MYO5B: variants seen among roughly 807,000 people sequenced by gnomAD.
MYO5B encodes the protein myosin VB.
Under a neutral mutation model 229.3 loss-of-function variants are expected in MYO5B, and 143 were observed. The observed-to-expected ratio is 0.62, with a 90% CI of 0.54 to 0.72. The LOEUF is 0.72. Ranked by LOEUF, MYO5B falls within the 30% of genes least tolerant of loss-of-function variation. The pLI, the probability that MYO5B is intolerant of heterozygous loss-of-function variation, is 0.00. For synonymous variants in MYO5B, 918 were observed against 885.2 expected, an observed-to-expected ratio of 1.04 and a Z score of -0.66; for missense variants, 2,321 against 2,331.0, an observed-to-expected ratio of 1.00 and a Z score of 0.09.
intron 1 of MYO5B, among the ~76,000 whole-genome samples, chr18:50,057,576 C>G (rs1459524540): frequency 2.0e-5 from 3 of 152,144 alleles, no homozygotes; most frequent in Non-Finnish European, 4.4e-5. Context: ...GCATCCAGCA[C>G]TGAAGAATCT....
intron 23 of MYO5B, 93 bp downstream of exon 23, chr18:49,880,278 G>C (rs887132512): frequency 1.0e-5 from 11 of 1,064,690 alleles, no homozygotes; most frequent in African/African-American, 3.1e-5. Flanking sequence ...GTAGCCTCTA[G>C]TCTAACTGCA....
chr18:49,894,999 T>G lies in MYO5B; in HGVS notation c.2987A>C (p.His996Pro). Residue 996 changes from histidine (H) to proline (P), a missense_variant, in exon 22 of 40, where the codon CAC becomes CCC. By Grantham distance (77) the His-to-Pro change is moderately conservative. Around this residue, in one of 2 missense-constraint regions of MYO5B, gnomAD observed 2,113 missense variants for 2,044.7 expected, o/e 1.03. Transcript: ENST00000285039. ...ESLRTELQRA[H>P]SERKILEDAH... ...GTCCTCCAAGATCTTGCGCTCCGAG[T>G]GGGCCCTCTGCAGCTCTGTGCGCAG... The G allele has an allele frequency of 6.2e-7, 1 of 1,613,846 alleles. No individual in the cohort carries two copies. Among genetic ancestry groups the G allele is most frequent in the Non-Finnish European group, 8.5e-7 (1 of 1,180,022 alleles).
At chr18:50,120,205 T>C (rs1340846152) in intron 1 of MYO5B, among the ~76,000 whole-genome samples, 2 of 152,324 alleles carry the variant, frequency 1.3e-5, no homozygotes, top group East Asian at 1.9e-4. Flanking sequence ...AGAAGTATAA[T>C]TGGTCAGCTT....
intron 1 of MYO5B, among the ~76,000 whole-genome samples, chr18:50,178,065 A>G (rs889236649): frequency 2.6e-5 from 4 of 152,212 alleles, no homozygotes; most frequent in Admixed American, 2.0e-4. Flanking sequence ...GCACCATGCT[A>G]AGCATCAAAA....
chr18:49,869,454 T>C (rs1281013117), intron 27 of MYO5B, among the ~76,000 whole-genome samples: 1 of 152,088 alleles, frequency 6.6e-6, no homozygotes, highest in Non-Finnish European at 1.5e-5. Flanking sequence ...TCAGAGACAA[T>C]GCTGGGAAAA....
chr18:49,894,167 G>C (rs937220829), intron 22 of MYO5B, among the ~76,000 whole-genome samples: 5 of 152,048 alleles, frequency 3.3e-5, no homozygotes, highest in African/African-American at 1.2e-4. Flanking sequence ...CCAACACCCT[G>C]AACACTGGAT....
intron 17 of MYO5B, among the ~76,000 whole-genome samples, chr18:49,926,664 T>C (rs1203087054): frequency 1.3e-5 from 2 of 152,246 alleles, no homozygotes; most frequent in East Asian, 3.8e-4. Context: ...AGCTCTGGAC[T>C]GGTTCAGTGG....
chr18:50,142,796 C>A (rs2032437568), intron 1 of MYO5B, among the ~76,000 whole-genome samples: 1 of 152,194 alleles, frequency 6.6e-6, no homozygotes, highest in Admixed American at 6.5e-5. Context: ...ACAATGACAA[C>A]AGCATTCAGG....
intron 22 of MYO5B, 99 bp downstream of exon 22, chr18:49,894,842 G>A: frequency 9.6e-7 from 1 of 1,043,090 alleles, no homozygotes; most frequent in East Asian, 2.4e-5. Flanking sequence ...CCAAGACCAT[G>A]GCAATTTTAC....
At position 49,839,181 on chromosome 18, in the gene MYO5B, G is replaced by A. The variant is rs1274406305; in HGVS notation, c.4815C>T (p.Leu1605=). Residue 1605 remains leucine, a synonymous_variant, in exon 36 of 40, where the codon CTC becomes CTT. Transcript: ENST00000285039. ...GTAACACGCCCTCGGCAATTTTAATGAGCTGCTGGTAGATCTGAATGGAAA... is the reference window on the plus strand; with the variant it reads ...GTAACACGCCCTCGGCAATTTTAATAAGCTGCTGGTAGATCTGAATGGAAA... ...SDLSIQIYQQ[L]IKIAEGVLQP... is the part of the protein sequence containing the mutation. The A allele has an allele frequency of 1.2e-6, 2 of 1,614,016 alleles. No homozygotes were observed. The highest frequency in any genetic ancestry group is 1.7e-6 in the Non-Finnish European group (2 of 1,180,038).
At chr18:50,029,341 G>A (rs2144370615) in intron 4 of MYO5B, among the ~76,000 whole-genome samples, 1 of 152,292 alleles carries the variant, frequency 6.6e-6, no homozygotes, top group African/African-American at 2.4e-5. Context: ...TCTGAATGTG[G>A]AATGCTCAGG....
chr18:49,972,019 C>T (rs1043990719), intron 10 of MYO5B, among the ~76,000 whole-genome samples: 8 of 152,274 alleles, frequency 5.3e-5, no homozygotes, highest in Middle Eastern at 3.4e-3. Context: ...ATGCTGATGG[C>T]CCTGTATCGG....
chr18:50,068,347 C>T (rs2030873139), intron 1 of MYO5B, among the ~76,000 whole-genome samples: 1 of 152,184 alleles, frequency 6.6e-6, no homozygotes, highest in Admixed American at 6.5e-5. Context: ...GTATTCTTTC[C>T]ACCACTTAGG....
At chr18:49,829,114 C>T (rs946400655) in intron 39 of MYO5B, among the ~76,000 whole-genome samples, 1 of 147,092 alleles carries the variant, frequency 6.8e-6, no homozygotes. Context: ...TGGGGTCTTG[C>T]TCTGTCACCC....
chr18:49,961,296 G>A (rs3915600), intron 12 of MYO5B, among the ~76,000 whole-genome samples: 69,579 of 151,844 alleles, frequency 0.46, 16,127 homozygotes, highest in South Asian at 0.55. Flanking sequence ...ACCGATTCTC[G>A]GGATGAAGCC....
rs1284416455 is a variant in MYO5B at position 50,036,897 on chromosome 18, G to A, written c.408C>T (p.Asp136=). Residue 136 remains aspartate, a synonymous_variant, in exon 4 of 40, where the codon GAC becomes GAT. Transcript: ENST00000285039. ...TYSGQNMGDM[D]PHIFAVAEEA... is the part of the protein sequence containing the mutation. ...CTTCTGCCACAGCAAAGATGTGGGG[G>A]TCCATGTCTCCCATGTTTTGGCCAC... is the stretch of plus-strand genomic sequence containing the variant. 3 of 1,614,104 alleles carry A rather than the reference G, an allele frequency of 1.9e-6. No homozygotes were observed. Among genetic ancestry groups the A allele is most frequent in the Non-Finnish European group, 2.5e-6 (3 of 1,180,014 alleles).
chr18:50,089,122 G>A (rs1157409208), intron 1 of MYO5B, among the ~76,000 whole-genome samples: 5 of 152,176 alleles, frequency 3.3e-5, no homozygotes. Flanking sequence ...GCTCACACCT[G>A]TAAGCCCAGC....
chr18:49,960,478 C>T (rs563810126), intron 12 of MYO5B, among the ~76,000 whole-genome samples: 2 of 152,290 alleles, frequency 1.3e-5, no homozygotes, highest in South Asian at 4.1e-4. Context: ...AAGTCAGGTT[C>T]ATTGCAGAAT....
intron 1 of MYO5B, among the ~76,000 whole-genome samples, chr18:50,193,127 G>A (rs770212253): frequency 6.6e-6 from 1 of 152,194 alleles, no homozygotes; most frequent in Non-Finnish European, 1.5e-5. Context: ...CCAGCCTCCA[G>A]TCCCAGCTCC....
Sources: allele counts gnomAD v4.1 joint callset (sites outside exome capture counted in the v4.1 genomes callset), GRCh38; gene constraint gnomAD v4.1.1; regional missense constraint gnomAD v4.1.1; transcripts MANE v1.5; gene names NCBI Gene and HGNC (gene_info 2026-07-23, HGNC 2026-07-21).